GOSR2: variants seen among roughly 807,000 people sequenced by gnomAD.
GOSR2 encodes 27 kDa Golgi SNARE protein.
GOSR2 carries 20 observed loss-of-function variants against 27.9 expected under a neutral mutation model. The ratio of observed to expected loss-of-function variants is 0.72; its 90% CI spans 0.50 to 1.04. The LOEUF is 1.04. Ranked by LOEUF, GOSR2 falls within the 50% of genes least tolerant of loss-of-function variation. The pLI, the probability that GOSR2 is intolerant of heterozygous loss-of-function variation, is 0.00. For synonymous variants in GOSR2, 91 were observed against 98.8 expected, an observed-to-expected ratio of 0.92 and a Z score of 0.47; for missense variants, 261 against 270.5, an observed-to-expected ratio of 0.97 and a Z score of 0.25.
chr17:46,941,877 T>G lies in GOSR2; in HGVS notation c.*3117T>G, dbSNP rs1047779. 0.47 allele frequency: 457,556 copies of G among 965,456 alleles called. 109,331 individuals are homozygous for G. Among genetic ancestry groups the G allele is most frequent in the East Asian group, 0.55 (4,746 of 8,694 alleles). 59.8% of individuals were successfully genotyped at this position (965,456 alleles called of 1,614,324 possible). On this transcript the variant is annotated 3_prime_UTR_variant, in exon 6 of 6. Transcript: ENST00000640051. ...CTAGGGTTACAGGTGTTAGCCACTGTACCTGGCCTCTAAGGTGATTCTGAT... is the reference window on the plus strand; with the variant it reads ...CTAGGGTTACAGGTGTTAGCCACTGGACCTGGCCTCTAAGGTGATTCTGAT...
intron 6 of GOSR2, among the ~76,000 whole-genome samples, chr17:46,951,316 C>T (rs901933545): frequency 6.6e-6 from 1 of 152,160 alleles, no homozygotes; most frequent in African/African-American, 2.4e-5. Flanking sequence ...ACCCATTGGA[C>T]CAGAGCTCAT....
chr17:46,934,437 G>GT, intron 4 of GOSR2, among the ~76,000 whole-genome samples: 1 of 152,132 alleles, frequency 6.6e-6, no homozygotes, highest in East Asian at 1.9e-4. Context: ...TGGGAGAATT[G>GT]TTTGAGTCCA....
chr17:46,923,664 C>A, intron 1 of GOSR2: 1 of 994,816 alleles, frequency 1.0e-6, no homozygotes, highest in Non-Finnish European at 1.3e-6. Context: ...TATTCTTATT[C>A]GATTTATACT....
At chr17:46,951,620 A>G (rs1406321450) in intron 6 of GOSR2, among the ~76,000 whole-genome samples, 1 of 152,096 alleles carries the variant, frequency 6.6e-6, no homozygotes, top group African/African-American at 2.4e-5. Flanking sequence ...ACCCTACTCC[A>G]TTCTTCCGGA....
At chr17:46,936,543 T>C in intron 5 of GOSR2, 1 of 985,496 alleles carries the variant, frequency 1.0e-6, no homozygotes, top group Non-Finnish European at 1.2e-6. Context: ...TCCGTCGGGA[T>C]TTTCCACCTA....
intron 4 of GOSR2, 33 bp downstream of exon 4, chr17:46,932,232 A>C: frequency 6.2e-7 from 1 of 1,613,328 alleles, no homozygotes; most frequent in Admixed American, 1.7e-5. Context: ...GTCGGCCTGC[A>C]CTTGACAGAT....
In GOSR2 at chr17:46,941,934, A is replaced by G. The variant is rs534809599; in HGVS notation, c.*3174A>G. The G allele has an allele frequency of 3.0e-5, 30 of 985,388 alleles. No individual in the cohort carries two copies. The East Asian group carries it at 2.9e-3, about 97-fold the overall frequency. The allele number at this position is 985,388 out of a possible 1,614,324, so 61.0% of individuals were successfully genotyped here. A position where few individuals can be genotyped will look rare whatever the true frequency, so the allele number is the denominator to read the frequency against. ...ATTTTGGAACCACTGTCTCCTAGAC[A>G]GAAAGCTTCTGTCTCAAAGATGATC... On this transcript the variant is annotated 3_prime_UTR_variant, in exon 6 of 6. Coordinates refer to ENST00000640051, the MANE Select transcript of GOSR2 (RefSeq NM_004287.5).
At chr17:46,936,671 A>G in intron 5 of GOSR2, 1 of 985,208 alleles carries the variant, frequency 1.0e-6, no homozygotes, top group South Asian at 4.7e-5. Context: ...GGTCATTTTC[A>G]AGTGATTTAG....
downstream of GOSR2, among the ~76,000 whole-genome samples, chr17:46,943,547 C>T (rs2089543030): frequency 6.6e-6 from 1 of 152,280 alleles, no homozygotes; most frequent in South Asian, 2.1e-4. Context: ...CAACCTCATA[C>T]TGCACGCTTC....
At chr17:46,947,246 G>C (rs2089979022) in intron 6 of GOSR2, among the ~76,000 whole-genome samples, 1 of 152,150 alleles carries the variant, frequency 6.6e-6, no homozygotes, top group Non-Finnish European at 1.5e-5. Context: ...TGCTCAGGAA[G>C]CAGGGCAGCC....
intron 6 of GOSR2, among the ~76,000 whole-genome samples, chr17:46,957,336 A>G (rs866458650): frequency 3.9e-5 from 6 of 152,128 alleles, no homozygotes; most frequent in Non-Finnish European, 5.9e-5. Context: ...ACCCAGGCTA[A>G]GCGCTGTGGC....
rs912856482 is a variant in GOSR2, at chr17:46,940,172, T to C, written c.*1412T>C. 29 of 1,350,842 alleles carry C rather than the reference T, an allele frequency of 2.1e-5. No individual in the cohort carries two copies. In the African/African-American group the frequency reaches 2.5e-4, roughly 12 times the overall value. The allele number at this position is 1,350,842 out of a possible 1,614,324, so 83.7% of individuals were successfully genotyped here. ...AGTCATGTTGGTCCTTTCAGGCACCTCTGTGGCATAGCTCCCCTTTGGTAA... is the reference window on the plus strand; with the variant it reads ...AGTCATGTTGGTCCTTTCAGGCACCCCTGTGGCATAGCTCCCCTTTGGTAA... On this transcript the variant is annotated 3_prime_UTR_variant, in exon 6 of 6. Coordinates refer to ENST00000640051, the MANE Select transcript of GOSR2 (RefSeq NM_004287.5).
chr17:46,950,854 A>G (rs2090288107), intron 6 of GOSR2, among the ~76,000 whole-genome samples: 2 of 152,194 alleles, frequency 1.3e-5, no homozygotes, highest in South Asian at 2.1e-4. Flanking sequence ...CTTGGGGACC[A>G]CCAAGCCAGA....
At chr17:46,937,558 C>T (rs1301281461) in intron 5 of GOSR2, 1 of 152,208 alleles carries the variant, frequency 6.6e-6, no homozygotes, top group Non-Finnish European at 1.5e-5. Context: ...ACCATTTCAC[C>T]TCTGAAAGAT....
chr17:46,933,257 G>A (rs1252204915), intron 4 of GOSR2: 2 of 152,202 alleles, frequency 1.3e-5, no homozygotes, highest in Non-Finnish European at 2.9e-5. Flanking sequence ...ACATTGACTT[G>A]CCAGATGAAA....
At chr17:46,966,568 C>G (rs771984158) in exon 7 of GOSR2, 7 of 694,732 alleles carry the variant, frequency 1.0e-5, no homozygotes, top group East Asian at 8.2e-5. Flanking sequence ...AGAATGGACC[C>G]GAACTCCTGA....
At chr17:46,970,762 C>A (rs570698783), downstream of GOSR2, among the ~76,000 whole-genome samples, 1 of 152,132 alleles carries the variant, frequency 6.6e-6, no homozygotes, top group African/African-American at 2.4e-5. Flanking sequence ...AAAAGAGAAC[C>A]AGGTACAAGC....
chr17:46,935,033 C>T lies in GOSR2; in HGVS notation c.341C>T (p.Ser114Phe). ...LLSRTFTTND[S>F]DTTIPMDESL... ...GTGCCTGTGTTTCTTTCACAGGACT[C>T]TGACACCACCATACCAATGGACGAA... The change falls in exon 5 of 6, where the codon TCT becomes TTT. Residue 114 changes from serine (S) to phenylalanine (F), a missense_variant. Physicochemically the swap from Ser to Phe is radical, Grantham distance 155. Transcript: ENST00000640051. The T allele has an allele frequency of 6.2e-7, 1 of 1,613,038 alleles. No homozygotes were observed. Among genetic ancestry groups the T allele is most frequent in the Non-Finnish European group, 8.5e-7 (1 of 1,178,936 alleles).
chr17:46,958,682 G>A (rs1380331101), intron 6 of GOSR2, among the ~76,000 whole-genome samples: 1 of 152,228 alleles, frequency 6.6e-6, no homozygotes, highest in African/African-American at 2.4e-5. Context: ...ATGGACAAGA[G>A]TTCTCCCTAG....
Sources: allele counts gnomAD v4.1 joint callset (sites outside exome capture counted in the v4.1 genomes callset), GRCh38; gene constraint gnomAD v4.1.1; transcripts MANE v1.5; gene names NCBI Gene and HGNC (gene_info 2026-07-23, HGNC 2026-07-21).